The following NCOR2 variants were observed in gnomAD, a reference collection of about 807,000 sequenced individuals.
NCOR2 encodes the protein CTG repeat protein 26.
A neutral mutation model predicts 262.9 loss-of-function variants in NCOR2; 81 were observed. That is an observed-to-expected ratio of 0.31 (90% CI 0.26 to 0.37). The LOEUF is 0.37. Among genes scored for constraint, NCOR2 ranks in the 10% least tolerant of loss-of-function variants. The pLI is 1.00. For missense variants in NCOR2, 3,385 were observed against 3,621.4 expected, an observed-to-expected ratio of 0.93 and a Z score of 1.68; for synonymous variants, 1,659 against 1,559.3, an observed-to-expected ratio of 1.06 and a Z score of -1.51.
Position 124,503,609 on chromosome 12 carries a change from CGGACGGAT to C in NCOR2, c.-117-8249_-117-8242del, listed in dbSNP as rs904256302. Among the ~76,000 whole-genome samples, 13 of 129,056 alleles carry C rather than the reference CGGACGGAT, an allele frequency of 1.0e-4. No individual in the cohort carries two copies. The highest frequency in any genetic ancestry group is 4.5e-4 in the African/African-American group (13 of 29,128). The allele number at this position is 129,056 out of a possible 152,430, so 84.7% of individuals were successfully genotyped here. A position where few individuals can be genotyped will look rare whatever the true frequency, so the allele number is the denominator to read the frequency against. ...ATGGACGGATGGATGGATGGACGGA[CGGACGGAT>C]GGATGGATGGATGGATGGGCGAATG... is the stretch of plus-strand genomic sequence containing the variant. On this transcript the variant is annotated intron_variant, in intron 1 of 46. Coordinates refer to the NCOR2 transcript ENST00000404621. This position sits in a 1 kb window ranked among gnomAD's most constrained non-coding sequence, Gnocchi z 4.3.
rs751531898 is a variant in NCOR2 at position 124,374,397 on chromosome 12, C to G, written c.2218+16G>C. 6.2e-7 allele frequency: 1 copy of G among 1,611,986 alleles called. No individual in the cohort carries two copies. On this transcript the variant is annotated intron_variant, in intron 19 of 46. Coordinates refer to ENST00000405201, the Ensembl canonical transcript of NCOR2. ...GGCCCGGCCCTACCCCCCAGGCCAG[C>G]CGGCCACATTCGTACCTGGGCCACT...
At chr12:124,442,409 G>A (rs1377699078) in intron 7 of NCOR2, among the ~76,000 whole-genome samples, 1 of 152,218 alleles carries the variant, frequency 6.6e-6, no homozygotes, top group Non-Finnish European at 1.5e-5. Flanking sequence ...CAAAGTGCTG[G>A]GATGACAGGC....
chr12:124,325,516 G>C, exon 47 of NCOR2: 1 of 1,359,252 alleles, frequency 7.4e-7, no homozygotes, highest in Non-Finnish European at 9.5e-7. Flanking sequence ...GGCCCGGTGG[G>C]GGTGGGGAAG....
rs1446457750 is a variant in NCOR2 at position 124,523,622 on chromosome 12, C to T, written c.-118+11943G>A. On this transcript the variant is annotated intron_variant, in intron 1 of 46. Transcript: ENST00000404621. This position sits in a 1 kb window ranked among gnomAD's most constrained non-coding sequence, Gnocchi z 4.0. ...GATCACACATAACACTAACACTAACCATAGCTGATGAACTAAAAAAAAAAA... is the reference window on the plus strand; with the variant it reads ...GATCACACATAACACTAACACTAACTATAGCTGATGAACTAAAAAAAAAAA... Among the ~76,000 whole-genome samples, 1 of 143,278 alleles carries T rather than the reference C, an allele frequency of 7.0e-6. No individual in the cohort carries two copies. The highest frequency in any genetic ancestry group is 2.1e-4 in the East Asian group (1 of 4,822). The allele number at this position is 143,278 out of a possible 152,430, so 94.0% of individuals were successfully genotyped here.
At chr12:124,444,349 T>C (rs1232617189) in intron 7 of NCOR2, among the ~76,000 whole-genome samples, 1 of 152,060 alleles carries the variant, frequency 6.6e-6, no homozygotes, top group Non-Finnish European at 1.5e-5. Context: ...AAACCTAGTC[T>C]TGCCATCTGC....
chr12:124,371,398 A>G (rs1300630475), intron 20 of NCOR2, among the ~76,000 whole-genome samples: 2 of 152,196 alleles, frequency 1.3e-5, no homozygotes. Flanking sequence ...CTTATTTGGA[A>G]ATAGACTGTT....
chr12:124,337,205 G>A (rs1410010702), intron 37 of NCOR2, 25 bp from the exon 40 acceptor site: 1 of 1,547,364 alleles, frequency 6.5e-7, no homozygotes, highest in Non-Finnish European at 8.7e-7. Context: ...AAGGCGGTCA[G>A]GCAGTCATGG....
Position 124,523,659 on chromosome 12 carries a change from C to A in NCOR2, c.-118+11906G>T, listed in dbSNP as rs1038116607. Among the ~76,000 whole-genome samples, 2 of 149,492 alleles carry A rather than the reference C, an allele frequency of 1.3e-5. No individual in the cohort carries two copies. Among genetic ancestry groups the A allele is most frequent in the African/African-American group, 5.0e-5 (2 of 40,342 alleles). The stretch of plus-strand genomic sequence containing the variant: ...ACTAAAAAAAAAAAAAACAAAAAAC[C>A]GAAAAACAATCTGTTTTAAGAAAGT... On this transcript the variant is annotated intron_variant, in intron 1 of 46. Transcript: ENST00000404621. This position sits in a 1 kb window ranked among gnomAD's most constrained non-coding sequence, Gnocchi z 4.0.
At chr12:124,369,061 T>G (rs1167665594) in intron 20 of NCOR2, among the ~76,000 whole-genome samples, 1 of 152,222 alleles carries the variant, frequency 6.6e-6, no homozygotes, top group Non-Finnish European at 1.5e-5. Context: ...GAGCGCCCAC[T>G]GTGGCCCGTC....
intron 12 of NCOR2, among the ~76,000 whole-genome samples, chr12:124,421,560 C>T (rs1225416172): frequency 6.6e-6 from 1 of 152,214 alleles, no homozygotes; most frequent in Non-Finnish European, 1.5e-5. Context: ...GAGGGGCAGG[C>T]GCTGGGAACA....
At chr12:124,505,613 G>A (rs1283310551) in intron 1 of NCOR2, among the ~76,000 whole-genome samples, 1 of 152,176 alleles carries the variant, frequency 6.6e-6, no homozygotes, top group African/African-American at 2.4e-5. Context: ...TTCCACAGCT[G>A]TGTGACCTTG....
At chr12:124,346,162 T>C (rs1200478914) in intron 31 of NCOR2, among the ~76,000 whole-genome samples, 1 of 152,160 alleles carries the variant, frequency 6.6e-6, no homozygotes, top group East Asian at 1.9e-4. Flanking sequence ...ATAAGGTCAT[T>C]AAGAAAACGA....
At chr12:124,534,814 G>A (rs543808489) in intron 1 of NCOR2, among the ~76,000 whole-genome samples, 2 of 152,314 alleles carry the variant, frequency 1.3e-5, no homozygotes, top group East Asian at 3.9e-4. Context: ...TTCCCCACTT[G>A]TAAAATGAGG....
Position 124,446,566 on chromosome 12 carries a change from A to T in NCOR2, c.815+3249T>A, listed in dbSNP as rs1056998865. Among the ~76,000 whole-genome samples the T allele has an allele frequency of 7.2e-5, 11 of 152,232 alleles. No individual in the cohort carries two copies. The East Asian group carries it at 2.1e-3, about 29-fold the overall frequency. On this transcript the variant is annotated intron_variant, in intron 7 of 46. Coordinates refer to ENST00000405201, the Ensembl canonical transcript of NCOR2. The stretch of plus-strand genomic sequence containing the variant: ...TCCACCTGTCTGGGACACTCCCCAG[A>T]GGTCCACACAGCCAGCTGCTGCTCA...
In NCOR2 at chr12:124,388,672, A is replaced by G. The variant is rs376760475; in HGVS notation, c.1877-2785T>C. 241 of 1,304,362 alleles carry G rather than the reference A, an allele frequency of 1.8e-4. 5 individuals carry two copies. In the South Asian group the frequency reaches 2.8e-3, roughly 15 times the overall value. 80.8% of individuals were successfully genotyped at this position (1,304,362 alleles called of 1,614,324 possible). ...CGCAGTCCCCCATCCCCTCCCCAGG[A>G]CCACTCACTCACATCCTCTCATTCG... On this transcript the variant is annotated intron_variant, in intron 16 of 46. Transcript: ENST00000405201.
exon 20 of NCOR2, chr12:124,372,144 C>T (rs1316546510): frequency 6.2e-7 from 1 of 1,601,648 alleles, no homozygotes; most frequent in South Asian, 1.1e-5. Context: ...CGCCCTCCTT[C>T]TTCTCTGCCT....
chr12:124,562,687 G>A (rs1397022063), intron 1 of NCOR2, among the ~76,000 whole-genome samples: 1 of 152,188 alleles, frequency 6.6e-6, no homozygotes, highest in Non-Finnish European at 1.5e-5. Flanking sequence ...AACGGGAAAG[G>A]AGCCCACCGT....
chr12:124,452,145 T>C (rs1280368012), intron 6 of NCOR2, among the ~76,000 whole-genome samples: 1 of 152,136 alleles, frequency 6.6e-6, no homozygotes, highest in Non-Finnish European at 1.5e-5. Flanking sequence ...GAGGGAGAAG[T>C]GGGCAGAGGA....
chr12:124,473,824 A>T (rs984853090), intron 3 of NCOR2, among the ~76,000 whole-genome samples: 5 of 151,188 alleles, frequency 3.3e-5, no homozygotes, highest in African/African-American at 1.2e-4. Flanking sequence ...ACTAATACAC[A>T]CCCCCTCCCC....
Sources: allele counts gnomAD v4.1 joint callset (sites outside exome capture counted in the v4.1 genomes callset), GRCh38; gene constraint gnomAD v4.1.1; non-coding constraint Gnocchi (gnomAD v3.1); transcripts MANE v1.5; gene names NCBI Gene and HGNC (gene_info 2026-07-23, HGNC 2026-07-21).